Variants in DGKI observed in about 807,000 individuals in gnomAD.
DGKI encodes the protein DAG kinase iota.
A neutral mutation model predicts 147.5 loss-of-function variants in DGKI; 55 were observed. That is an observed-to-expected ratio of 0.37 (90% CI 0.30 to 0.47). DGKI has a LOEUF of 0.47. Ranked by LOEUF, DGKI falls within the 20% of genes least tolerant of loss-of-function variation. DGKI has a pLI of 1.00. For synonymous variants in DGKI, 469 were observed against 477.1 expected, an observed-to-expected ratio of 0.98 and a Z score of 0.22; for missense variants, 1,007 against 1,323.8, an observed-to-expected ratio of 0.76 and a Z score of 3.71.
chr7:137,567,753 C>A (rs1471700947), intron 19 of DGKI, among the ~76,000 whole-genome samples: 1 of 152,038 alleles, frequency 6.6e-6, no homozygotes, highest in East Asian at 1.9e-4. Flanking sequence ...TATTCAGGTA[C>A]TATTATTTTC....
At chr7:137,452,158 G>A (rs1005674743) in intron 27 of DGKI, among the ~76,000 whole-genome samples, 3 of 152,220 alleles carry the variant, frequency 2.0e-5, no homozygotes, top group African/African-American at 4.8e-5. Context: ...CTGGTGGGGA[G>A]TTGGCCAAGG....
chr7:137,748,743 A>C (rs1434211981), intron 1 of DGKI, among the ~76,000 whole-genome samples: 1 of 152,202 alleles, frequency 6.6e-6, no homozygotes, highest in Non-Finnish European at 1.5e-5. Context: ...CCATTCCCAA[A>C]CATATCCCAT....
At chr7:137,475,327 T>C (rs1370509564) in intron 23 of DGKI, among the ~76,000 whole-genome samples, 4 of 152,188 alleles carry the variant, frequency 2.6e-5, no homozygotes, top group African/African-American at 9.6e-5. Context: ...CTTGTCTTAA[T>C]CAGCAATCCA....
intron 1 of DGKI, among the ~76,000 whole-genome samples, chr7:137,712,126 T>A (rs557211494): frequency 6.6e-6 from 1 of 152,272 alleles, no homozygotes; most frequent in Non-Finnish European, 1.5e-5. Flanking sequence ...TGGTTAAATG[T>A]TAATAAAAAG....
chr7:137,618,401 C>G (rs1820624930), intron 8 of DGKI, among the ~76,000 whole-genome samples: 1 of 151,182 alleles, frequency 6.6e-6, no homozygotes, highest in Non-Finnish European at 1.5e-5. Flanking sequence ...TACTCTCTCT[C>G]TACTCCACAG....
At chr7:137,487,837 C>G in intron 21 of DGKI, 148 bp from the exon 22 acceptor site, 1 of 687,518 alleles carries the variant, frequency 1.5e-6, no homozygotes, top group South Asian at 1.9e-5. Flanking sequence ...TACTTTCTCC[C>G]TACACCTTTT....
chr7:137,649,054 A>G (rs1821931642), intron 5 of DGKI, among the ~76,000 whole-genome samples: 1 of 152,082 alleles, frequency 6.6e-6, no homozygotes, highest in Non-Finnish European at 1.5e-5. Flanking sequence ...CCTTCTGTTC[A>G]GAGTTCTTTT....
intron 1 of DGKI, among the ~76,000 whole-genome samples, chr7:137,740,997 G>A (rs1042314764): frequency 1.3e-5 from 2 of 152,098 alleles, no homozygotes; most frequent in African/African-American, 2.4e-5. Context: ...TGATAAAAAG[G>A]GTGGCTAAGT....
intron 6 of DGKI, among the ~76,000 whole-genome samples, chr7:137,645,186 C>T (rs1366783308): frequency 6.6e-6 from 1 of 152,208 alleles, no homozygotes; most frequent in Non-Finnish European, 1.5e-5. Context: ...TTCATGAAGG[C>T]ATTTTCACAA....
At chr7:137,602,811 C>A (rs1291924677) in intron 10 of DGKI, among the ~76,000 whole-genome samples, 1 of 152,042 alleles carries the variant, frequency 6.6e-6, no homozygotes, top group Non-Finnish European at 1.5e-5. Context: ...TAACAACTCT[C>A]CAGCACTCTC....
At chr7:137,444,406 G>C (rs1023640797) in intron 27 of DGKI, among the ~76,000 whole-genome samples, 1 of 152,156 alleles carries the variant, frequency 6.6e-6, no homozygotes, top group Non-Finnish European at 1.5e-5. Flanking sequence ...ATGTAGTATA[G>C]ATGAAATCCT....
At chr7:137,636,285 T>G (rs1377734704) in intron 6 of DGKI, among the ~76,000 whole-genome samples, 2 of 152,198 alleles carry the variant, frequency 1.3e-5, no homozygotes, top group Middle Eastern at 3.4e-3. Context: ...GTGAGGTGAA[T>G]CCAGGATAAG....
intron 1 of DGKI, among the ~76,000 whole-genome samples, chr7:137,769,852 G>C (rs1292531282): frequency 6.6e-6 from 1 of 152,190 alleles, no homozygotes; most frequent in Non-Finnish European, 1.5e-5. Flanking sequence ...TGGAGAAATG[G>C]GAACGCTTTT....
At chr7:137,532,086 A>C (rs994423350) in intron 20 of DGKI, among the ~76,000 whole-genome samples, 4 of 152,346 alleles carry the variant, frequency 2.6e-5, no homozygotes, top group Admixed American at 2.0e-4. Flanking sequence ...ATCAAAAAAA[A>C]CAGTAGCCAA....
rs1454113012 is a variant in DGKI, at chr7:137,472,311, TAC to T, written c.2374-2694_2374-2693del. On this transcript the variant is annotated intron_variant, in intron 23 of 32. Transcript: ENST00000614521. ...ATGTATGTGTATATTTATGTGTATA[TAC>T]ATATAATTATTATATGTATATATAC... Among the ~76,000 whole-genome samples, 40 of 86,724 alleles carry T rather than the reference TAC, an allele frequency of 4.6e-4. 2 individuals are homozygous for T. Among genetic ancestry groups the T allele is most frequent in the African/African-American group, 3.0e-3 (39 of 13,198 alleles). 56.9% of individuals were successfully genotyped at this position (86,724 alleles called of 152,430 possible). A position where few individuals can be genotyped will look rare whatever the true frequency, so the allele number is the denominator to read the frequency against.
At chr7:137,663,900 A>G (rs1822534859) in intron 3 of DGKI, among the ~76,000 whole-genome samples, 1 of 145,456 alleles carries the variant, frequency 6.9e-6, no homozygotes, top group African/African-American at 2.9e-5. Context: ...CTTCTGACAT[A>G]GGGCTCCCTC....
At chr7:137,632,830 GC>G (rs1371944994) in intron 6 of DGKI, among the ~76,000 whole-genome samples, 16 of 151,988 alleles carry the variant, frequency 1.1e-4, no homozygotes, top group Non-Finnish European at 2.1e-4. Context: ...CTGAACTCCA[GC>G]CTGGGTGACA....
chr7:137,823,446 A>G (rs1233143972), intron 1 of DGKI, among the ~76,000 whole-genome samples: 1 of 152,216 alleles, frequency 6.6e-6, no homozygotes, highest in East Asian at 1.9e-4. Context: ...ACTCCCATGT[A>G]CCCTCTGCAA....
intron 17 of DGKI, among the ~76,000 whole-genome samples, chr7:137,575,147 A>T (rs1818927017): frequency 6.6e-6 from 1 of 152,254 alleles, no homozygotes; most frequent in Non-Finnish European, 1.5e-5. Context: ...GAAAGGTTAA[A>T]TGATTTCCCC....
Sources: allele counts gnomAD v4.1 joint callset (sites outside exome capture counted in the v4.1 genomes callset), GRCh38; gene constraint gnomAD v4.1.1; transcripts MANE v1.5; gene names NCBI Gene and HGNC (gene_info 2026-07-23, HGNC 2026-07-21).